The following NCAM1 variants were observed in gnomAD, a reference collection of about 807,000 sequenced individuals.
NCAM1 encodes the protein neural cell adhesion molecule 1, also known as antigen recognized by monoclonal antibody 5.1H11.
A neutral mutation model predicts 109.8 loss-of-function variants in NCAM1; 14 were observed. The ratio of observed to expected loss-of-function variants is 0.13; its 90% confidence interval spans 0.08 to 0.20. The LOEUF (loss-of-function observed/expected upper bound fraction) is 0.20. Ranked by LOEUF, NCAM1 falls within the 10% of genes least tolerant of loss-of-function variation. NCAM1 has a pLI of 1.00. For missense variants in NCAM1, 774 were observed against 1,109.9 expected, an observed-to-expected ratio of 0.70 and a Z score of 4.30; for synonymous variants, 418 against 442.9, an observed-to-expected ratio of 0.94 and a Z score of 0.70.
intron 1 of NCAM1, among the ~76,000 whole-genome samples, chr11:113,082,094 C>CTTT (rs1172440425): frequency 6.6e-6 from 1 of 152,152 alleles, no homozygotes; most frequent in Non-Finnish European, 1.5e-5. Context: ...GCAATTGCCT[C>CTTT]TTTTTTTCTA....
At position 113,061,276 on chromosome 11, in the gene NCAM1, TA is replaced by T. The variant is rs1331534704; in HGVS notation, c.52+99622del. Reference sequence around the variant, plus strand: ...CCTGAATAATATTCCATTCTATGTTTAAAAAAAAAATGGTTAATTTACTGAC... The same window carrying T: ...CCTGAATAATATTCCATTCTATGTTTAAAAAAAAATGGTTAATTTACTGAC... On this transcript the variant is annotated intron_variant, in intron 1 of 19. Coordinates refer to ENST00000316851, the MANE Select transcript of NCAM1 (RefSeq NM_181351.5). Among the ~76,000 whole-genome samples the T allele has an allele frequency of 9.9e-3, 1,488 of 150,484 alleles. 36 individuals carry two copies. The highest frequency in any genetic ancestry group is 0.033 in the African/African-American group (1,372 of 41,078).
chr11:113,217,432 T>C (rs1944561500), intron 8 of NCAM1, among the ~76,000 whole-genome samples: 1 of 152,226 alleles, frequency 6.6e-6, no homozygotes, highest in South Asian at 2.1e-4. Context: ...ATTTCTCATA[T>C]GGCATAGTTT....
chr11:112,980,298 G>T (rs1434300922), intron 1 of NCAM1, among the ~76,000 whole-genome samples: 1 of 151,926 alleles, frequency 6.6e-6, no homozygotes, highest in East Asian at 1.9e-4. Context: ...TTCTTAAACA[G>T]AGTTACCATG....
At chr11:112,967,537 C>T (rs911681552) in intron 1 of NCAM1, among the ~76,000 whole-genome samples, 2 of 152,170 alleles carry the variant, frequency 1.3e-5, no homozygotes, top group Non-Finnish European at 2.9e-5. Flanking sequence ...GTTTCCTCTT[C>T]CGTGAGATCG....
chr11:113,037,914 C>A (rs1013011120), intron 1 of NCAM1, among the ~76,000 whole-genome samples: 1 of 152,058 alleles, frequency 6.6e-6, no homozygotes, highest in Non-Finnish European at 1.5e-5. Context: ...ACTTTTTCTT[C>A]GAGTGTGTGG....
At chr11:113,123,725 T>C (rs1347276461) in intron 1 of NCAM1, among the ~76,000 whole-genome samples, 6 of 152,168 alleles carry the variant, frequency 3.9e-5, no homozygotes, top group East Asian at 3.9e-4. Context: ...CTGTAGGAGA[T>C]ACAATGTCAA....
chr11:113,002,784 A>G (rs1262976445), intron 1 of NCAM1, among the ~76,000 whole-genome samples: 1 of 152,212 alleles, frequency 6.6e-6, no homozygotes, highest in Non-Finnish European at 1.5e-5. Flanking sequence ...GCAAAGGGAA[A>G]GTCAAGTGAA....
At chr11:113,244,847 C>T (rs190619652) in intron 14 of NCAM1, among the ~76,000 whole-genome samples, 12 of 152,238 alleles carry the variant, frequency 7.9e-5, no homozygotes, top group Admixed American at 3.9e-4. Context: ...TGTCAGCTCA[C>T]GGTGGCAAGG....
In NCAM1 at chr11:113,169,730, C is replaced by T. The variant is rs181742168; in HGVS notation, c.53-32649C>T. On this transcript the variant is annotated intron_variant, in intron 1 of 19. Transcript: ENST00000316851. ...GCAACCTCGGCCTTCCGGGTTCAAG[C>T]GATTCTCCTGCCTCAGCCTACAGAG... Among the ~76,000 whole-genome samples the T allele has an allele frequency of 1.1e-3, 172 of 149,652 alleles. 1 individual carries two copies. Among genetic ancestry groups the T allele is most frequent in the South Asian group, 9.0e-3 (41 of 4,532 alleles).
chr11:113,220,707 C>T (rs191418035), intron 8 of NCAM1, among the ~76,000 whole-genome samples: 24 of 149,638 alleles, frequency 1.6e-4, no homozygotes, highest in Middle Eastern at 3.5e-3. Flanking sequence ...TCCGGGTTCA[C>T]GCCATTCTCC....
In NCAM1 at chr11:112,962,944, C is replaced by G. The variant is rs943643091; in HGVS notation, c.52+1280C>G. Among the ~76,000 whole-genome samples the G allele has an allele frequency of 6.6e-6, 1 of 151,984 alleles. No individual in the cohort carries two copies. Among genetic ancestry groups the G allele is most frequent in the Admixed American group, 6.6e-5 (1 of 15,264 alleles). On this transcript the variant is annotated intron_variant, in intron 1 of 19. Coordinates refer to ENST00000316851, the MANE Select transcript of NCAM1 (RefSeq NM_181351.5). The surrounding 1 kb of genome is among the most constrained non-coding windows in gnomAD (Gnocchi z 5.6). ...GTGTCGCGGTCGCAGCTCCAGGTAC[C>G]GTTGTACCTGCCCTGGACGGCCGAC...
intron 1 of NCAM1, among the ~76,000 whole-genome samples, chr11:113,106,241 G>A (rs782416851): frequency 6.6e-6 from 1 of 152,202 alleles, no homozygotes; most frequent in Non-Finnish European, 1.5e-5. Flanking sequence ...GTACTCAAAT[G>A]TGAAAGAAAA....
chr11:113,225,053 C>G (rs1489184558), intron 9 of NCAM1, among the ~76,000 whole-genome samples: 1 of 152,200 alleles, frequency 6.6e-6, no homozygotes, highest in Non-Finnish European at 1.5e-5. Flanking sequence ...AACGCAGCTC[C>G]TCACCAGCAG....
intron 1 of NCAM1, among the ~76,000 whole-genome samples, chr11:113,173,725 C>A (rs1555106616): frequency 2.6e-5 from 4 of 151,026 alleles, no homozygotes; most frequent in Admixed American, 6.6e-5. Flanking sequence ...GGCTTGTGTT[C>A]TTGGGCTTAA....
At chr11:113,190,151 C>A (rs1254242511) in intron 1 of NCAM1, among the ~76,000 whole-genome samples, 1 of 152,182 alleles carries the variant, frequency 6.6e-6, no homozygotes, top group Non-Finnish European at 1.5e-5. Flanking sequence ...TGGATAGCAA[C>A]CTTGAGAGCA....
At chr11:113,191,759 G>A (rs1943682678) in intron 1 of NCAM1, among the ~76,000 whole-genome samples, 2 of 103,844 alleles carry the variant, frequency 1.9e-5, no homozygotes, top group South Asian at 3.9e-4. Context: ...GTGTATATGT[G>A]TGTGTGTGTG....
chr11:113,195,241 G>A (rs1040114225), intron 1 of NCAM1, among the ~76,000 whole-genome samples: 5 of 152,170 alleles, frequency 3.3e-5, no homozygotes, highest in Admixed American at 3.3e-4. Flanking sequence ...AGCTGGAACT[G>A]TAGGACTCAC....
At chr11:113,017,814 T>C (rs1331555449) in intron 1 of NCAM1, among the ~76,000 whole-genome samples, 1 of 152,200 alleles carries the variant, frequency 6.6e-6, no homozygotes, top group Non-Finnish European at 1.5e-5. Context: ...TTATATCATA[T>C]CAGTATATTG....
At chr11:113,053,656 A>C (rs1391570248) in intron 1 of NCAM1, among the ~76,000 whole-genome samples, 4 of 152,210 alleles carry the variant, frequency 2.6e-5, no homozygotes, top group African/African-American at 7.2e-5. Context: ...TTATAGAAAA[A>C]AATTTTCTAA....
Sources: gnomAD v4.1 joint callset for allele counts (sites outside exome capture counted in the v4.1 genomes callset) on GRCh38, gnomAD v4.1.1 for gene constraint, Gnocchi (gnomAD v3.1) non-coding constraint, MANE v1.5 for transcripts, NCBI Gene and HGNC (gene_info 2026-07-23, HGNC 2026-07-21) for gene names.